Variants in DCT observed in about 807,000 individuals in gnomAD.
DCT encodes dopachrome tautomerase, also known as L-dopachrome tautomerase.
DCT carries 47 observed loss-of-function variants against 53.0 expected under a neutral mutation model. The ratio of observed to expected loss-of-function variants is 0.89; its 90% CI spans 0.70 to 1.13. The LOEUF is 1.13. Among genes scored for constraint, DCT ranks in the 50% most tolerant of loss-of-function variants. DCT has a pLI of 0.00. For missense variants in DCT, 669 were observed against 637.4 expected (o/e 1.05, Z -0.53); for synonymous variants, 244 against 237.0 (o/e 1.03, Z -0.27).
At chr13:94,447,270 G>A (rs921525742) in intron 6 of DCT, among the ~76,000 whole-genome samples, 14 of 152,286 alleles carry the variant, frequency 9.2e-5, no homozygotes, top group African/African-American at 3.1e-4. Flanking sequence ...AGGGGGTGGT[G>A]GATGGGAAGG....
the DCT span, among the ~76,000 whole-genome samples, chr13:94,542,662 C>G: frequency 6.6e-6 from 1 of 152,178 alleles, no homozygotes; most frequent in African/African-American, 2.4e-5. Flanking sequence ...CCGATTTTTA[C>G]TTTTCTAACA....
rs1350083874 is a variant in DCT, at chr13:94,437,969, A to G, written c.*1929T>C. The G allele has an allele frequency of 6.6e-6, 1 of 152,218 alleles. No individual in the cohort carries two copies. The highest frequency in any genetic ancestry group is 1.5e-5 in the Non-Finnish European group (1 of 68,042). The allele number at this position is 152,218 out of a possible 1,614,324, so 9.4% of individuals were successfully genotyped here. A position where few individuals can be genotyped will look rare whatever the true frequency, so the allele number is the denominator to read the frequency against. On this transcript the variant is annotated 3_prime_UTR_variant, in exon 8 of 8. Transcript: ENST00000377028. ...AAGTCTTATGAGACTATGATATATG[A>G]GAATTCTGATATACCTGACAGATAA...
Position 94,466,668 on chromosome 13 carries a change from T to C in DCT, c.596-10A>G. 1 of 1,558,554 alleles carries C rather than the reference T, an allele frequency of 6.4e-7. No homozygotes were observed. Among genetic ancestry groups the C allele is most frequent in the Non-Finnish European group, 8.8e-7 (1 of 1,142,288 alleles). On this transcript the variant is annotated splice_polypyrimidine_tract_variant and intron_variant, in intron 2 of 7. Transcript: ENST00000377028. ...TAGGGGCGTCCTGGTCCTGAAACAA[T>C]TGGGAAACATATTAGAGATGACAGA...
chr13:94,522,107 T>C, the DCT span, among the ~76,000 whole-genome samples: 1 of 152,170 alleles, frequency 6.6e-6, no homozygotes, highest in Admixed American at 6.5e-5. Flanking sequence ...TCCTATTGCA[T>C]GGTGTGATAA....
At chr13:94,472,495 C>G (rs1027060409) in intron 1 of DCT, among the ~76,000 whole-genome samples, 7 of 118,008 alleles carry the variant, frequency 5.9e-5, no homozygotes, top group Non-Finnish European at 1.1e-4. Flanking sequence ...ATCTGGTATA[C>G]AGTGAGTTAA....
In DCT at chr13:94,438,700, A is replaced by G. The variant is rs73555821; in HGVS notation, c.*1198T>C. The G allele has an allele frequency of 8.6e-3, 3,925 of 454,924 alleles. 129 individuals carry two copies. The highest frequency in any genetic ancestry group is 0.067 in the African/African-American group (3,352 of 50,120). The allele number at this position is 454,924 out of a possible 1,614,324, so 28.2% of individuals were successfully genotyped here. ...GGGGTCCATCATGATAAGTCTGAAC[A>G]TCGTAGTAAAGATTGTCTCATTCTT... On this transcript the variant is annotated 3_prime_UTR_variant, in exon 8 of 8. Transcript: ENST00000377028.
At chr13:94,543,546 C>A in the DCT span, among the ~76,000 whole-genome samples, 3 of 152,196 alleles carry the variant, frequency 2.0e-5, no homozygotes, top group Non-Finnish European at 4.4e-5. Context: ...ATCTCTCCTG[C>A]CTTTATCTGA....
chr13:94,456,000 C>T (rs1883390215), intron 6 of DCT, among the ~76,000 whole-genome samples: 1 of 152,152 alleles, frequency 6.6e-6, no homozygotes, highest in Non-Finnish European at 1.5e-5. Context: ...AGAAAGCAGA[C>T]ACCAGAAATG....
At chr13:94,447,697 G>A (rs1427080089) in intron 6 of DCT, among the ~76,000 whole-genome samples, 3 of 152,216 alleles carry the variant, frequency 2.0e-5, no homozygotes, top group African/African-American at 4.8e-5. Context: ...TACTGTCTGA[G>A]TTCAAGTCAG....
At chr13:94,505,295 T>G in the DCT span, among the ~76,000 whole-genome samples, 1 of 152,002 alleles carries the variant, frequency 6.6e-6, no homozygotes, top group African/African-American at 2.4e-5. Context: ...TGGTCTGCAT[T>G]ATTCTAAGGT....
At chr13:94,476,552 T>G (rs1885100870) in intron 1 of DCT, among the ~76,000 whole-genome samples, 1 of 148,982 alleles carries the variant, frequency 6.7e-6, no homozygotes, top group South Asian at 2.1e-4. Flanking sequence ...TTCAGCTCAC[T>G]GCAACCTCCA....
At chr13:94,546,889 T>C in the DCT span, among the ~76,000 whole-genome samples, 1 of 152,022 alleles carries the variant, frequency 6.6e-6, no homozygotes, top group Non-Finnish European at 1.5e-5. The surrounding 1 kb of genome is among the most constrained non-coding windows in gnomAD (Gnocchi z 4.2). Flanking sequence ...CAAGTGAGCA[T>C]GGGTACAACG....
At chr13:94,461,055 G>A (rs1566829989) in intron 5 of DCT, among the ~76,000 whole-genome samples, 1 of 152,204 alleles carries the variant, frequency 6.6e-6, no homozygotes. Context: ...GTCAAAGGTG[G>A]GGGAAGGGTA....
chr13:94,461,060 A>T (rs547443840), intron 5 of DCT, among the ~76,000 whole-genome samples: 52 of 152,198 alleles, frequency 3.4e-4, no homozygotes, highest in Non-Finnish European at 5.7e-4. Context: ...AGGTGGGGGA[A>T]GGGTAACATT....
the DCT span, among the ~76,000 whole-genome samples, chr13:94,529,542 T>G: frequency 6.6e-6 from 1 of 152,202 alleles, no homozygotes; most frequent in Non-Finnish European, 1.5e-5. Flanking sequence ...GCATGACTAC[T>G]GCGTAAATAA....
chr13:94,443,691 C>T, intron 6 of DCT, 54 bp from the exon 7 acceptor site: 2 of 1,391,042 alleles, frequency 1.4e-6, no homozygotes, highest in East Asian at 4.6e-5. Flanking sequence ...TCCGATCACA[C>T]CAACCTGACT....
the DCT span, among the ~76,000 whole-genome samples, chr13:94,503,134 T>C: frequency 6.6e-6 from 1 of 152,276 alleles, no homozygotes; most frequent in Middle Eastern, 3.4e-3. Flanking sequence ...CCCAGCACTT[T>C]GGGAGGCCAA....
At chr13:94,523,505 A>G in the DCT span, among the ~76,000 whole-genome samples, 4 of 152,214 alleles carry the variant, frequency 2.6e-5, no homozygotes, top group African/African-American at 9.6e-5. Flanking sequence ...TGGCCTCTGT[A>G]CATAAGTCCC....
chr13:94,537,097 A>C, the DCT span, among the ~76,000 whole-genome samples: 1 of 152,252 alleles, frequency 6.6e-6, no homozygotes, highest in Non-Finnish European at 1.5e-5. Context: ...AATGCAAAAC[A>C]AGCTAACACA....
Sources: gnomAD v4.1 joint callset for allele counts (sites outside exome capture counted in the v4.1 genomes callset) on GRCh38, gnomAD v4.1.1 for gene constraint, Gnocchi (gnomAD v3.1) non-coding constraint, MANE v1.5 for transcripts, NCBI Gene and HGNC (gene_info 2026-07-23, HGNC 2026-07-21) for gene names.